Variants in TTLL8 observed in about 807,000 individuals in gnomAD.
TTLL8 encodes the protein tubulin tyrosine ligase like 8.
TTLL8 carries 65 observed loss-of-function variants against 77.8 expected under a neutral mutation model. The ratio of observed to expected loss-of-function variants is 0.84; its 90% CI spans 0.68 to 1.03. TTLL8 has a LOEUF of 1.03. Among genes scored for constraint, TTLL8 ranks in the 50% least tolerant of loss-of-function variants. The pLI is 0.00. For missense variants in TTLL8, 910 were observed against 1,004.5 expected (o/e 0.91, Z 1.27); for synonymous variants, 402 against 422.8 (o/e 0.95, Z 0.60).
At chr22:50,023,678 C>T (rs973270472) in intron 12 of TTLL8, among the ~76,000 whole-genome samples, 26 of 148,610 alleles carry the variant, frequency 1.7e-4, no homozygotes, top group Middle Eastern at 3.4e-3. Context: ...AGCGAGACTC[C>T]GTCTCAAAAT....
upstream of TTLL8, among the ~76,000 whole-genome samples, chr22:50,057,197 G>A (rs1431234569): frequency 6.9e-6 from 1 of 145,510 alleles, no homozygotes; most frequent in Non-Finnish European, 1.5e-5. Context: ...TGGGGGTCAG[G>A]TCTGGATTAG....
At chr22:50,050,077 C>T (rs780515017) in intron 2 of TTLL8, 32 bp downstream of exon 4, 6 of 1,362,348 alleles carry the variant, frequency 4.4e-6, no homozygotes, top group Non-Finnish European at 5.9e-6. Flanking sequence ...CGCACACGCC[C>T]TGAGCTGAGA....
Position 50,040,375 on chromosome 22 carries a change from C to T in TTLL8, c.921+812G>A, listed in dbSNP as rs1415689082. ...ACCTCACAGATCTCATGTGTGCCAG[C>T]GTGGACGGACCTCACAGATTTCATG... On this transcript the variant is annotated intron_variant, in intron 8 of 13. Transcript: ENST00000266182. 3.9e-5 allele frequency among the ~76,000 whole-genome samples: 6 copies of T among 152,238 alleles called. No homozygotes were observed. The South Asian group carries it at 8.3e-4, about 21-fold the overall frequency.
At chr22:50,030,556 C>G in exon 12 of TTLL8, 1 of 1,316,982 alleles carries the variant, frequency 7.6e-7, no homozygotes, top group Non-Finnish European at 1.0e-6. Context: ...ACGGGGACAC[C>G]GGTGTTTGGG....
At chr22:50,049,452 C>T in intron 2 of TTLL8, 130 bp from the exon 5 acceptor site, 2 of 1,001,150 alleles carry the variant, frequency 2.0e-6, no homozygotes, top group Non-Finnish European at 2.8e-6. Flanking sequence ...TGGGGCCTTC[C>T]CCTGGTGGAG....
At position 50,022,120 on chromosome 22, in the gene TTLL8, GTGCACTCCTCCATCTGACA is replaced by G. The variant is rs1156982851; in HGVS notation, c.2204-5577_2204-5559del. Reference sequence around the variant, plus strand: ...GACGTGCACTCCTCCATCTGACGATGTGCACTCCTCCATCTGACATGCACTCCTCCATCTGATGACGTGC... The same window carrying G: ...GACGTGCACTCCTCCATCTGACGATGTGCACTCCTCCATCTGATGACGTGC... On this transcript the variant is annotated intron_variant, in intron 12 of 13. Transcript: ENST00000266182. Among the ~76,000 whole-genome samples the G allele has an allele frequency of 1.3e-4, 18 of 143,688 alleles. No individual in the cohort carries two copies. The East Asian group carries it at 1.9e-3, about 15-fold the overall frequency. The allele number at this position is 143,688 out of a possible 152,430, so 94.3% of individuals were successfully genotyped here.
chr22:50,037,440 C>T (rs1853134205), intron 8 of TTLL8, among the ~76,000 whole-genome samples: 1 of 152,126 alleles, frequency 6.6e-6, no homozygotes, highest in African/African-American at 2.4e-5. Context: ...CTCCTGACCT[C>T]ATGATCTGCC....
chr22:50,027,816 G>A, intron 12 of TTLL8: 1 of 985,406 alleles, frequency 1.0e-6, no homozygotes, highest in Non-Finnish European at 1.2e-6. Context: ...GCTGGCCTGA[G>A]CCCAGCCAGG....
upstream of TTLL8, among the ~76,000 whole-genome samples, chr22:50,057,623 G>GGGGTCAGGTCTGGGTT: frequency 1.9e-5 from 1 of 52,002 alleles, no homozygotes; most frequent in Admixed American, 2.0e-4. Flanking sequence ...GGTCTGGGTT[G>GGGGTCAGGTCTGGGTT]GGGGTCAGGT....
chr22:50,054,425 C>T (rs1315814586), intron 1 of TTLL8: 1 of 164,842 alleles, frequency 6.1e-6, no homozygotes, highest in Non-Finnish European at 1.5e-5. Flanking sequence ...TCCTGGGCTC[C>T]CTCTCCTGGG....
At position 50,052,950 on chromosome 22, in the gene TTLL8, G is replaced by A. The variant is rs5771135; in HGVS notation, c.51+1626C>T. 0.016 allele frequency among the ~76,000 whole-genome samples: 2,420 copies of A among 152,270 alleles called. 175 individuals carry two copies. The East Asian group carries it at 0.23, about 15-fold the overall frequency. On this transcript the variant is annotated intron_variant, in intron 1 of 13. Coordinates refer to ENST00000266182, the Ensembl canonical transcript of TTLL8. ...TAAACAGCTCACTCTGGCGGAGCACGGTGGGTCAAGTCAGTAATCCCAGCA... is the reference window on the plus strand; with the variant it reads ...TAAACAGCTCACTCTGGCGGAGCACAGTGGGTCAAGTCAGTAATCCCAGCA...
chr22:50,057,704 G>C (rs1411556611), upstream of TTLL8, among the ~76,000 whole-genome samples: 3 of 147,814 alleles, frequency 2.0e-5, no homozygotes, highest in East Asian at 4.1e-4. Context: ...GTCGGGGTCA[G>C]GTCTGGGTTG....
intron 4 of TTLL8, chr22:50,046,949 C>A (rs2061416091): frequency 2.1e-6 from 1 of 468,360 alleles, no homozygotes; most frequent in Admixed American, 6.4e-5. Flanking sequence ...CTTCTGGGGC[C>A]CCGGATTCAC....
intron 8 of TTLL8, among the ~76,000 whole-genome samples, chr22:50,040,837 T>C (rs762100693): frequency 1.3e-5 from 2 of 152,146 alleles, no homozygotes; most frequent in Non-Finnish European, 2.9e-5. Flanking sequence ...GCTCCGGGGG[T>C]GCCAGGCCCA....
intron 4 of TTLL8, among the ~76,000 whole-genome samples, chr22:50,046,506 C>T (rs961366499): frequency 7.9e-5 from 12 of 152,260 alleles, no homozygotes; most frequent in Admixed American, 7.2e-4. Context: ...ACACAGCGCA[C>T]GCTGACTGGC....
At position 50,044,418 on chromosome 22, in the gene TTLL8, G is replaced by A. The variant is rs1292529052; in HGVS notation, c.643+837C>T. On this transcript the variant is annotated intron_variant, in intron 6 of 13. Transcript: ENST00000266182. This position sits in a 1 kb window ranked among gnomAD's most constrained non-coding sequence, Gnocchi z 4.2. Reference sequence around the variant, plus strand: ...TACAACCTAACTCAGAATTGAAAACGGAATGTAAGCACAGCCAATCACAGG... The same window carrying A: ...TACAACCTAACTCAGAATTGAAAACAGAATGTAAGCACAGCCAATCACAGG... Among the ~76,000 whole-genome samples the A allele has an allele frequency of 6.6e-6, 1 of 152,146 alleles. No homozygotes were observed. The highest frequency in any genetic ancestry group is 2.1e-4 in the South Asian group (1 of 4,830).
chr22:50,048,303 T>A lies in TTLL8; in HGVS notation c.264+946A>T, dbSNP rs112009312. On this transcript the variant is annotated intron_variant, in intron 3 of 13. Coordinates refer to ENST00000266182, the Ensembl canonical transcript of TTLL8. ...GCAGAATGTTTCTGTCTCTCTGGAA[T>A]GCATGTGCTACAATCCTCATCCCCA... Among the ~76,000 whole-genome samples the A allele has an allele frequency of 1.9e-3, 282 of 152,238 alleles. 1 individual carries two copies. The highest frequency in any genetic ancestry group is 6.6e-3 in the African/African-American group (276 of 41,526).
intron 12 of TTLL8, chr22:50,027,731 C>T (rs965064833): frequency 3.5e-5 from 34 of 985,310 alleles, no homozygotes; most frequent in African/African-American, 2.4e-4. Context: ...CTGAGAGCAA[C>T]GGTGCGGTTG....
At chr22:50,043,860 G>A (rs903783987) in intron 6 of TTLL8, among the ~76,000 whole-genome samples, 2 of 152,150 alleles carry the variant, frequency 1.3e-5, no homozygotes, top group African/African-American at 2.4e-5. Context: ...CCAAGAGCTC[G>A]GGGGCGGGGG....
Sources: gnomAD v4.1 joint callset for allele counts (sites outside exome capture counted in the v4.1 genomes callset) on GRCh38, gnomAD v4.1.1 for gene constraint, Gnocchi (gnomAD v3.1) non-coding constraint, MANE v1.5 for transcripts, NCBI Gene and HGNC (gene_info 2026-07-23, HGNC 2026-07-21) for gene names.